Variants in ST3GAL2 observed in about 807,000 individuals in gnomAD.
The protein encoded by ST3GAL2 is ST3 beta-galactoside alpha-2,3-sialyltransferase 2.
A neutral mutation model predicts 37.5 loss-of-function variants in ST3GAL2; 16 were observed. The ratio of observed to expected loss-of-function variants is 0.43; its 90% CI spans 0.29 to 0.65. ST3GAL2 has a LOEUF of 0.65. ST3GAL2 is among the 30% of genes least tolerant of loss of function. The probability of loss-of-function intolerance (pLI) is 0.17; values close to 1 mark genes in which losing one functional copy is unlikely to be tolerated. For synonymous variants in ST3GAL2, 238 were observed against 202.9 expected, an observed-to-expected ratio of 1.17 and a Z score of -1.47; for missense variants, 383 against 487.8, an observed-to-expected ratio of 0.79 and a Z score of 2.02.
intron 1 of ST3GAL2, among the ~76,000 whole-genome samples, chr16:70,405,885 C>T (rs1488128614): frequency 6.6e-6 from 1 of 151,508 alleles, no homozygotes; most frequent in Non-Finnish European, 1.5e-5. Context: ...ATGGTGAAAC[C>T]CCGTCTCTAC....
intron 2 of ST3GAL2, 87 bp from the exon 3 acceptor site, chr16:70,395,262 ACTATCCTGTGTCTGGGCACAGGCCT>A: frequency 4.7e-6 from 6 of 1,273,564 alleles, no homozygotes; most frequent in Non-Finnish European, 6.5e-6. Flanking sequence ...CTCTGCCCTC[ACTATCCTGTGTCTGGGCACAGGCCT>A]CTTTATCCAG....
chr16:70,418,733 T>A (rs541293955), intron 1 of ST3GAL2, among the ~76,000 whole-genome samples: 1 of 152,124 alleles, frequency 6.6e-6, no homozygotes, highest in African/African-American at 2.4e-5. Context: ...GAGGACCAGG[T>A]TGGGGGTGAG....
At chr16:70,430,257 T>C (rs751468319) in intron 1 of ST3GAL2, among the ~76,000 whole-genome samples, 1 of 152,218 alleles carries the variant, frequency 6.6e-6, no homozygotes, top group East Asian at 1.9e-4. Context: ...TGGAAGACAA[T>C]GCCCTCTAAA....
chr16:70,403,398 T>TAA (rs1459684004), intron 1 of ST3GAL2, among the ~76,000 whole-genome samples: 7 of 152,210 alleles, frequency 4.6e-5, no homozygotes, highest in Non-Finnish European at 4.4e-5. Flanking sequence ...AGATGTCTTT[T>TAA]AGGCCAGCTG....
chr16:70,394,714 T>A (rs142026802), intron 3 of ST3GAL2, among the ~76,000 whole-genome samples: 16 of 152,254 alleles, frequency 1.1e-4, no homozygotes, highest in African/African-American at 1.7e-4. Flanking sequence ...CAGCCAGGAA[T>A]CTAATGTCAG....
At chr16:70,418,731 G>C (rs2047692670) in intron 1 of ST3GAL2, among the ~76,000 whole-genome samples, 1 of 152,218 alleles carries the variant, frequency 6.6e-6, no homozygotes, top group African/African-American at 2.4e-5. Context: ...TGGAGGACCA[G>C]GTTGGGGGTG....
intron 1 of ST3GAL2, among the ~76,000 whole-genome samples, chr16:70,406,248 G>A (rs1254959579): frequency 3.3e-5 from 5 of 151,456 alleles, no homozygotes; most frequent in Non-Finnish European, 5.9e-5. Context: ...GTTCAAGATC[G>A]GCCTGGCCAA....
intron 1 of ST3GAL2, among the ~76,000 whole-genome samples, chr16:70,424,731 T>G (rs1157208179): frequency 1.3e-5 from 2 of 152,220 alleles, no homozygotes; most frequent in African/African-American, 4.8e-5. Context: ...CAATTTGAAG[T>G]GCCCTTTGAT....
In ST3GAL2 at chr16:70,395,088, A is replaced by C; in HGVS notation, c.427T>G (p.Phe143Val). 1 of 1,613,952 alleles carries C rather than the reference A, an allele frequency of 6.2e-7. No homozygotes were observed. The highest frequency in any genetic ancestry group is 8.5e-7 in the Non-Finnish European group (1 of 1,179,952). ...QIVPGENPYR[F>V]RDPHQCRRCA... Reference sequence around the variant, plus strand: ...CGCCGGCACTGGTGGGGGTCCCGGAAGCGGTAGGGGTTCTCGCCAGGCACT... The same window carrying C: ...CGCCGGCACTGGTGGGGGTCCCGGACGCGGTAGGGGTTCTCGCCAGGCACT... The change falls in exon 3 of 7, where the codon TTC becomes GTC. Residue 143 changes from phenylalanine (F) to valine (V), a missense_variant. This residue lies in a region of ST3GAL2 where 223 missense variants were observed against 239.1 expected (regional missense o/e 0.93). Coordinates refer to ENST00000342907, the MANE Select transcript of ST3GAL2 (RefSeq NM_006927.4).
intron 1 of ST3GAL2, among the ~76,000 whole-genome samples, chr16:70,436,717 C>CT (rs780276253): frequency 6.6e-6 from 1 of 152,052 alleles, no homozygotes; most frequent in Non-Finnish European, 1.5e-5. Flanking sequence ...ACCATGAGAC[C>CT]TTCCGCTGTA....
intron 1 of ST3GAL2, among the ~76,000 whole-genome samples, chr16:70,431,985 A>AT (rs1448666350): frequency 1.6e-3 from 222 of 139,054 alleles, no homozygotes; most frequent in African/African-American, 5.9e-3. Flanking sequence ...ATATATATAT[A>AT]TTTTTTTTTA....
intron 1 of ST3GAL2, among the ~76,000 whole-genome samples, chr16:70,425,501 G>C (rs2047743629): frequency 6.6e-6 from 1 of 152,044 alleles, no homozygotes; most frequent in African/African-American, 2.4e-5. Flanking sequence ...GGTAGTGCCA[G>C]GTACCATTTT....
chr16:70,432,767 A>T (rs2047799850), intron 1 of ST3GAL2, among the ~76,000 whole-genome samples: 1 of 152,262 alleles, frequency 6.6e-6, no homozygotes, highest in African/African-American at 2.4e-5. Context: ...ACTCGGTCTC[A>T]GAAAGCAGGG....
chr16:70,419,721 G>A (rs2047700817), intron 1 of ST3GAL2, among the ~76,000 whole-genome samples: 1 of 152,192 alleles, frequency 6.6e-6, no homozygotes, highest in Non-Finnish European at 1.5e-5. Flanking sequence ...CGCTAGTGCT[G>A]GCATCACACT....
chr16:70,436,482 G>A (rs1192841423), intron 1 of ST3GAL2, among the ~76,000 whole-genome samples: 2 of 146,202 alleles, frequency 1.4e-5, no homozygotes, highest in African/African-American at 2.5e-5. Flanking sequence ...AAAAGACTTC[G>A]CATCTGCTTG....
In ST3GAL2 at chr16:70,376,442, CCA is replaced by C. The variant is rs1331856727; in HGVS notation, c.*5245_*5246del. On this transcript the variant is annotated 3_prime_UTR_variant, in exon 7 of 7. Transcript: ENST00000342907. The stretch of plus-strand genomic sequence containing the variant: ...AGTTGCTAGAGGAAAGGTGTTAATT[CCA>C]CACTCTGAGGACCAGGCTGGCCCAG... 1.3e-5 allele frequency: 2 copies of C among 152,102 alleles called. No individual in the cohort carries two copies. The highest frequency in any genetic ancestry group is 2.9e-5 in the Non-Finnish European group (2 of 68,042). 9.4% of individuals were successfully genotyped at this position (152,102 alleles called of 1,614,324 possible).
rs1404196165 is a variant in ST3GAL2 at position 70,439,038 on chromosome 16, C to CGCA, written c.-1094_-1093insTGC. ...AGAAAGCCGTCGCCGCCGCCGCCGC[C>CGCA]GCCGCCGCCGTCGTCCGGACCCGTT... On this transcript the variant is annotated 5_prime_UTR_variant, in exon 1 of 7. Transcript: ENST00000342907. 498 of 165,370 alleles carry CGCA rather than the reference C, an allele frequency of 3.0e-3. 2 individuals carry two copies. Among genetic ancestry groups the CGCA allele is most frequent in the African/African-American group, 0.011 (441 of 41,350 alleles). 10.2% of individuals were successfully genotyped at this position (165,370 alleles called of 1,614,324 possible).
chr16:70,412,396 C>A (rs943726066), intron 1 of ST3GAL2, among the ~76,000 whole-genome samples: 1 of 152,206 alleles, frequency 6.6e-6, no homozygotes, highest in Non-Finnish European at 1.5e-5. Context: ...GTAATCCCAG[C>A]ACTTTGGGAG....
chr16:70,382,738 A>G, intron 6 of ST3GAL2, 67 bp downstream of exon 6: 1 of 1,602,870 alleles, frequency 6.2e-7, no homozygotes, highest in Non-Finnish European at 8.5e-7. Context: ...TAGCCTGCTA[A>G]GACCCGAGAA....
Sources: gnomAD v4.1 joint callset for allele counts (sites outside exome capture counted in the v4.1 genomes callset) on GRCh38, gnomAD v4.1.1 for gene constraint, gnomAD v4.1.1 regional missense constraint, MANE v1.5 for transcripts, NCBI Gene and HGNC (gene_info 2026-07-23, HGNC 2026-07-21) for gene names.